Variants in TET3 observed in about 807,000 individuals in gnomAD.
TET3 encodes the protein tet methylcytosine dioxygenase 3, also known as methylcytosine dioxygenase TET3.
TET3 carries 19 observed loss-of-function variants against 141.4 expected under a neutral mutation model. The ratio of observed to expected loss-of-function variants is 0.13; its 90% confidence interval spans 0.09 to 0.20. The LOEUF is 0.20. Ranked by LOEUF, TET3 falls within the 10% of genes least tolerant of loss-of-function variation. The pLI is 1.00. For missense variants in TET3, 1,874 were observed against 2,356.9 expected, an observed-to-expected ratio of 0.80 and a Z score of 4.24; for synonymous variants, 1,043 against 980.9, an observed-to-expected ratio of 1.06 and a Z score of -1.18.
intron 3 of TET3, among the ~76,000 whole-genome samples, chr2:74,011,090 C>A (rs371824207): frequency 6.6e-6 from 1 of 151,610 alleles, no homozygotes; most frequent in Non-Finnish European, 1.5e-5. Context: ...TATCTGGGTG[C>A]GGTGGTGGGT....
chr2:74,032,565 C>G (rs886716938), intron 3 of TET3, among the ~76,000 whole-genome samples: 2 of 148,206 alleles, frequency 1.3e-5, no homozygotes, highest in East Asian at 2.0e-4. Flanking sequence ...GCGTCATGAC[C>G]TGGTTCTTGT....
the TET3 span, among the ~76,000 whole-genome samples, chr2:74,118,519 T>TACATATA: frequency 6.6e-6 from 1 of 152,168 alleles, no homozygotes; most frequent in Non-Finnish European, 1.5e-5. Flanking sequence ...CAGTATATAA[T>TACATATA]ACATATAACA....
At chr2:74,053,690 T>C (rs1364410501) in intron 4 of TET3, among the ~76,000 whole-genome samples, 1 of 152,208 alleles carries the variant, frequency 6.6e-6, no homozygotes, top group Non-Finnish European at 1.5e-5. Flanking sequence ...GGGAGTGGCA[T>C]TGTCCAGCGA....
chr2:74,134,735 T>A, the TET3 span: 1 of 456,548 alleles, frequency 2.2e-6, no homozygotes, highest in Non-Finnish European at 4.4e-6. Flanking sequence ...CAAGGAAGCC[T>A]CCGTGGCTGG....
At chr2:74,111,416 C>T (rs1371873457), downstream of TET3, among the ~76,000 whole-genome samples, 1 of 152,180 alleles carries the variant, frequency 6.6e-6, no homozygotes, top group Non-Finnish European at 1.5e-5. Flanking sequence ...TTCCTATTCT[C>T]CCAGTCATAT....
At chr2:74,070,562 T>G (rs982684548) in intron 4 of TET3, among the ~76,000 whole-genome samples, 1 of 152,258 alleles carries the variant, frequency 6.6e-6, no homozygotes, top group African/African-American at 2.4e-5. Context: ...TCAACCATGC[T>G]GTTGCAGGTT....
intron 3 of TET3, among the ~76,000 whole-genome samples, chr2:74,009,780 A>G (rs1031702742): frequency 6.6e-6 from 1 of 152,236 alleles, no homozygotes; most frequent in African/African-American, 2.4e-5. Context: ...TATGTCAATC[A>G]TCCAGGGAAT....
chr2:74,062,693 A>G (rs1157506511), intron 4 of TET3, among the ~76,000 whole-genome samples: 2 of 152,238 alleles, frequency 1.3e-5, no homozygotes, highest in Non-Finnish European at 2.9e-5. Flanking sequence ...ACAAGGAAGC[A>G]CTAAACATGG....
downstream of TET3, among the ~76,000 whole-genome samples, chr2:74,112,893 C>A (rs1691735177): frequency 6.7e-6 from 1 of 150,124 alleles, no homozygotes; most frequent in African/African-American, 2.5e-5. Flanking sequence ...CCCAGCTACT[C>A]GAGAGGCTGA....
At chr2:74,018,609 A>G (rs374329859) in intron 3 of TET3, among the ~76,000 whole-genome samples, 1 of 152,304 alleles carries the variant, frequency 6.6e-6, no homozygotes, top group Admixed American at 6.5e-5. Context: ...TAAGCATTTC[A>G]TAAGTACTCT....
chr2:74,118,318 T>C, the TET3 span, among the ~76,000 whole-genome samples: 5 of 152,182 alleles, frequency 3.3e-5, no homozygotes, highest in Admixed American at 6.5e-5. Flanking sequence ...CAAGAACAAG[T>C]TGAATTGCTT....
In TET3 at chr2:74,022,094, C is replaced by CCTTTTTT. The variant is rs57671706; in HGVS notation, c.360+18928_360+18929insCTTTTTT. ...TTACTATTTCAGTCTTTCTAGGACA[C>CCTTTTTT]TTTTTTTTTTTTTTTTTTTTTTTCC... On this transcript the variant is annotated intron_variant, in intron 3 of 11. Transcript: ENST00000409262. Among the ~76,000 whole-genome samples, 166 of 82,740 alleles carry CCTTTTTT rather than the reference C, an allele frequency of 2.0e-3. 2 individuals are homozygous for CCTTTTTT. Among genetic ancestry groups the CCTTTTTT allele is most frequent in the African/African-American group, 3.4e-3 (68 of 19,774 alleles). The allele number at this position is 82,740 out of a possible 152,430, so 54.3% of individuals were successfully genotyped here. A position where few individuals can be genotyped will look rare whatever the true frequency, so the allele number is the denominator to read the frequency against.
chr2:74,069,129 G>A (rs997523978), intron 4 of TET3, among the ~76,000 whole-genome samples: 12 of 148,670 alleles, frequency 8.1e-5, no homozygotes, highest in Non-Finnish European at 4.4e-5. Flanking sequence ...TTTCCTTCTA[G>A]CACGTGTATA....
chr2:74,103,412 G>A lies in TET3; in HGVS notation c.*1236G>A, dbSNP rs1691338780. 6.6e-6 allele frequency: 1 copy of A among 152,246 alleles called. No homozygotes were observed. The highest frequency in any genetic ancestry group is 2.4e-5 in the African/African-American group (1 of 41,438). The allele number at this position is 152,246 out of a possible 1,614,324, so 9.4% of individuals were successfully genotyped here. ...ATTTCCACATTGGACAATGGTGCAT[G>A]CCTCACACCTGAGCCTGCTTCCTCC... On this transcript the variant is annotated 3_prime_UTR_variant, in exon 12 of 12. Coordinates refer to ENST00000409262, the MANE Select transcript of TET3 (RefSeq NM_001287491.2).
At chr2:74,086,143 G>A (rs186110604) in intron 6 of TET3, among the ~76,000 whole-genome samples, 157 of 152,218 alleles carry the variant, frequency 1.0e-3, no homozygotes, top group African/African-American at 2.9e-3. Context: ...CCTGACACTC[G>A]GAGCCCTTCC....
the TET3 span, among the ~76,000 whole-genome samples, chr2:74,133,986 C>A: frequency 5.3e-5 from 8 of 151,912 alleles, no homozygotes; most frequent in East Asian, 1.9e-4. Flanking sequence ...CTTGTGATCC[C>A]CCCCCCTCGG....
At chr2:74,094,656 C>T (rs1355790823) in intron 10 of TET3, among the ~76,000 whole-genome samples, 1 of 151,622 alleles carries the variant, frequency 6.6e-6, no homozygotes, top group East Asian at 1.9e-4. Flanking sequence ...ACGGCTTGGG[C>T]AGGAGTGGGG....
At chr2:74,061,880 G>A (rs1271077676) in intron 4 of TET3, among the ~76,000 whole-genome samples, 4 of 149,440 alleles carry the variant, frequency 2.7e-5, no homozygotes, top group East Asian at 2.0e-4. Context: ...GGGAAGAGGC[G>A]CTCCTCACTT....
chr2:73,996,031 C>G (rs1684576183), intron 2 of TET3, among the ~76,000 whole-genome samples: 1 of 152,174 alleles, frequency 6.6e-6, no homozygotes, highest in Non-Finnish European at 1.5e-5. Context: ...AATGACTCCT[C>G]CCCACCTACA....
Sources: allele counts gnomAD v4.1 joint callset (sites outside exome capture counted in the v4.1 genomes callset), GRCh38; gene constraint gnomAD v4.1.1; transcripts MANE v1.5; gene names NCBI Gene and HGNC (gene_info 2026-07-23, HGNC 2026-07-21).